Variants in GABBR2 observed in about 807,000 individuals in gnomAD.
GABBR2 encodes G-protein coupled receptor 51.
A neutral mutation model predicts 105.6 loss-of-function variants in GABBR2; 23 were observed. The ratio of observed to expected loss-of-function variants is 0.22; its 90% CI spans 0.16 to 0.31. The LOEUF is 0.31. GABBR2 is among the 10% of genes least tolerant of loss of function. The probability of loss-of-function intolerance (pLI) is 1.00; values close to 1 mark genes in which losing one functional copy is unlikely to be tolerated. For synonymous variants in GABBR2, 478 were observed against 499.7 expected (o/e 0.96, Z 0.58); for missense variants, 734 against 1,245.5 (o/e 0.59, Z 6.18).
chr9:98,672,031 C>G (rs895732817), intron 1 of GABBR2, among the ~76,000 whole-genome samples: 4 of 152,050 alleles, frequency 2.6e-5, no homozygotes, highest in African/African-American at 9.7e-5. Flanking sequence ...ACCAAGAGAA[C>G]CCAGAAATAT....
chr9:98,443,106 A>T (rs1355947229), intron 7 of GABBR2, among the ~76,000 whole-genome samples: 1 of 152,238 alleles, frequency 6.6e-6, no homozygotes, highest in Non-Finnish European at 1.5e-5. Context: ...AGCTTGGCAT[A>T]GTGCTCAGCA....
intron 7 of GABBR2, among the ~76,000 whole-genome samples, chr9:98,448,451 C>T (rs148275647): frequency 2.6e-5 from 4 of 152,080 alleles, no homozygotes; most frequent in South Asian, 2.1e-4. Context: ...TTTTTTGAGA[C>T]GGAGTCTCAC....
intron 13 of GABBR2, among the ~76,000 whole-genome samples, chr9:98,337,275 C>T (rs948442302): frequency 2.0e-5 from 3 of 152,008 alleles, no homozygotes; most frequent in Non-Finnish European, 4.4e-5. Context: ...AATGCACTCC[C>T]GCCTGGGTGA....
intron 3 of GABBR2, among the ~76,000 whole-genome samples, chr9:98,533,766 G>A (rs891227910): frequency 6.6e-6 from 1 of 152,210 alleles, no homozygotes; most frequent in Non-Finnish European, 1.5e-5. Flanking sequence ...AGCTGGGGAG[G>A]TTGAGCCAGA....
chr9:98,549,395 C>T (rs1564111141), intron 2 of GABBR2, among the ~76,000 whole-genome samples: 1 of 151,958 alleles, frequency 6.6e-6, no homozygotes, highest in Non-Finnish European at 1.5e-5. Flanking sequence ...TCAAATATTG[C>T]AAAAATAAAG....
intron 1 of GABBR2, among the ~76,000 whole-genome samples, chr9:98,617,659 T>G (rs554369770): frequency 6.6e-6 from 1 of 152,290 alleles, no homozygotes; most frequent in African/African-American, 2.4e-5. Context: ...ATTCTCTGAT[T>G]AGATCCTCTC....
intron 3 of GABBR2, 144 bp downstream of exon 3, chr9:98,541,729 A>G (rs1828307770): frequency 1.5e-6 from 1 of 677,922 alleles, no homozygotes; most frequent in Non-Finnish European, 2.5e-6. Context: ...TATTTTGTCA[A>G]CGGTGAAACA....
intron 1 of GABBR2, among the ~76,000 whole-genome samples, chr9:98,651,301 GC>G (rs948184883): frequency 1.2e-4 from 18 of 151,666 alleles, no homozygotes; most frequent in African/African-American, 4.4e-4. Context: ...GCACCACCAC[GC>G]CCAGCTAATT....
chr9:98,400,184 CTT>C (rs552889618), intron 8 of GABBR2, among the ~76,000 whole-genome samples: 1 of 136,262 alleles, frequency 7.3e-6, no homozygotes, highest in Admixed American at 7.3e-5. Context: ...GAGACCCTGC[CTT>C]TTTTTTTTTT....
chr9:98,482,666 G>A (rs1455033286), intron 4 of GABBR2, among the ~76,000 whole-genome samples: 1 of 152,080 alleles, frequency 6.6e-6, no homozygotes, highest in African/African-American at 2.4e-5. Flanking sequence ...CAGAGACCTG[G>A]GTTCAAATCA....
At chr9:98,691,634 G>A (rs573792821) in intron 1 of GABBR2, among the ~76,000 whole-genome samples, 2 of 152,304 alleles carry the variant, frequency 1.3e-5, no homozygotes, top group East Asian at 3.9e-4. Flanking sequence ...TGTTTCCCAG[G>A]CCGTTCAGCT....
At chr9:98,601,738 T>G (rs571560842) in intron 1 of GABBR2, among the ~76,000 whole-genome samples, 111 of 152,286 alleles carry the variant, frequency 7.3e-4, no homozygotes, top group Middle Eastern at 3.4e-3. Context: ...TGAAGCTCTG[T>G]TAAGGCCAGT....
At chr9:98,317,301 G>A (rs933608659) in intron 13 of GABBR2, among the ~76,000 whole-genome samples, 3 of 152,242 alleles carry the variant, frequency 2.0e-5, no homozygotes, top group Non-Finnish European at 4.4e-5. Context: ...AGAAGCTGCC[G>A]GGGAAAGCCT....
At chr9:98,397,215 C>T (rs73499077) in intron 8 of GABBR2, among the ~76,000 whole-genome samples, 5,490 of 152,252 alleles carry the variant, frequency 0.036, 342 homozygotes, top group African/African-American at 0.12. Flanking sequence ...AAGCATCTCT[C>T]AAAAGCAGCA....
At chr9:98,544,004 T>G (rs1218475106) in intron 2 of GABBR2, among the ~76,000 whole-genome samples, 1 of 152,156 alleles carries the variant, frequency 6.6e-6, no homozygotes, top group Non-Finnish European at 1.5e-5. Context: ...TTCTAGTCTG[T>G]CTGTCCTCCC....
chr9:98,392,272 T>C (rs964463007), intron 9 of GABBR2, among the ~76,000 whole-genome samples: 2 of 152,134 alleles, frequency 1.3e-5, no homozygotes, highest in African/African-American at 4.8e-5. Context: ...TTCCTGTAAG[T>C]TGTATTTTGT....
intron 8 of GABBR2, among the ~76,000 whole-genome samples, chr9:98,394,694 A>AC (rs1564049446): frequency 6.6e-6 from 1 of 151,296 alleles, no homozygotes; most frequent in African/African-American, 2.4e-5. Context: ...TGCTGATACC[A>AC]CCCCCCAACT....
intron 7 of GABBR2, among the ~76,000 whole-genome samples, chr9:98,420,294 C>G (rs1832759672): frequency 6.6e-6 from 1 of 152,168 alleles, no homozygotes; most frequent in South Asian, 2.1e-4. Flanking sequence ...GGCTCAGCCC[C>G]AGCCCACCTG....
At position 98,487,206 on chromosome 9, in the gene GABBR2, C is replaced by T. The variant is rs976428125; in HGVS notation, c.733-6209G>A. ...GCAAACCTGGCCTGTGAGAAAGATGCACCATGTGTATTCTGCAGCTTTGCG... is the reference window on the plus strand; with the variant it reads ...GCAAACCTGGCCTGTGAGAAAGATGTACCATGTGTATTCTGCAGCTTTGCG... On this transcript the variant is annotated intron_variant, in intron 4 of 18. Transcript: ENST00000259455. Among the ~76,000 whole-genome samples the T allele has an allele frequency of 3.3e-5, 5 of 152,136 alleles. 1 individual carries two copies. The South Asian group carries it at 8.3e-4, about 25-fold the overall frequency.
Sources: gnomAD v4.1 joint callset for allele counts (sites outside exome capture counted in the v4.1 genomes callset) on GRCh38, gnomAD v4.1.1 for gene constraint, MANE v1.5 for transcripts, NCBI Gene and HGNC (gene_info 2026-07-23, HGNC 2026-07-21) for gene names.